Variants in INPP5F observed in about 807,000 individuals in gnomAD.
INPP5F encodes inositol polyphosphate-5-phosphatase F.
INPP5F carries 97 observed loss-of-function variants against 137.2 expected under a neutral mutation model. The ratio of observed to expected loss-of-function variants is 0.71; its 90% CI spans 0.60 to 0.84. The LOEUF (loss-of-function observed/expected upper bound fraction) is 0.84, where lower values mean the gene tolerates loss of function less well. Among genes scored for constraint, INPP5F ranks in the 40% least tolerant of loss-of-function variants. The pLI is 0.00. For missense variants in INPP5F, 1,271 were observed against 1,371.9 expected (o/e 0.93, Z 1.16); for synonymous variants, 504 against 476.9 (o/e 1.06, Z -0.74).
intron 13 of INPP5F, 69 bp downstream of exon 13, chr10:119,808,129 C>T: frequency 3.3e-6 from 5 of 1,522,684 alleles, no homozygotes; most frequent in Non-Finnish European, 4.4e-6. Flanking sequence ...TTTAAAACCA[C>T]AGAAATGTGT....
intron 3 of INPP5F, among the ~76,000 whole-genome samples, chr10:119,782,626 G>A (rs1849746087): frequency 6.6e-6 from 1 of 152,054 alleles, no homozygotes. Context: ...GACCAGCCTG[G>A]GCAACATAGC....
intron 9 of INPP5F, among the ~76,000 whole-genome samples, chr10:119,802,813 T>C (rs184620216): frequency 1.5e-4 from 23 of 152,304 alleles, no homozygotes; most frequent in African/African-American, 5.5e-4. Context: ...TTAAAAAAAA[T>C]TGTTTTAAAG....
At chr10:119,819,490 CAT>C in intron 15 of INPP5F, 1 of 1,602,960 alleles carries the variant, frequency 6.2e-7, no homozygotes, top group South Asian at 1.1e-5. Context: ...TAAAATGTGT[CAT>C]GACGTAATTT....
intron 2 of INPP5F, among the ~76,000 whole-genome samples, chr10:119,764,869 C>T (rs955875000): frequency 9.3e-5 from 14 of 150,114 alleles, no homozygotes; most frequent in African/African-American, 2.7e-4. Context: ...TGAGCCACCA[C>T]GCCTGGCCCC....
In INPP5F at chr10:119,726,161, A is replaced by G. The variant is rs1193502705; in HGVS notation, c.-102A>G. 3.1e-6 allele frequency: 2 copies of G among 655,412 alleles called. No individual in the cohort carries two copies. Among genetic ancestry groups the G allele is most frequent in the African/African-American group, 3.9e-5 (2 of 51,340 alleles). 40.6% of individuals were successfully genotyped at this position (655,412 alleles called of 1,614,324 possible). A position where few individuals can be genotyped will look rare whatever the true frequency, so the allele number is the denominator to read the frequency against. The stretch of plus-strand genomic sequence containing the variant: ...GCCGCTGCTTCTCGGCGCGGTTCCT[A>G]CCCGGCCGCTCCCCGAGGCGCGGGC... On this transcript the variant is annotated 5_prime_UTR_variant, in exon 1 of 20. Transcript: ENST00000650623.
intron 15 of INPP5F, among the ~76,000 whole-genome samples, chr10:119,817,859 T>C (rs2134279792): frequency 6.6e-6 from 1 of 152,374 alleles, no homozygotes; most frequent in Middle Eastern, 3.4e-3. Flanking sequence ...ATTGCACCAA[T>C]TGTCTTGTTG....
intron 1 of INPP5F, among the ~76,000 whole-genome samples, chr10:119,732,256 T>C (rs1848094891): frequency 6.6e-6 from 1 of 151,908 alleles, no homozygotes; most frequent in Admixed American, 6.6e-5. Context: ...ACGCTGGTCT[T>C]GAACTTCTGA....
chr10:119,771,848 A>G (rs1397197309), intron 2 of INPP5F, among the ~76,000 whole-genome samples: 5 of 4,768 alleles, frequency 1.0e-3, no homozygotes, highest in Admixed American at 3.9e-3. Context: ...GTATGGAGAT[A>G]TATATATATA....
At chr10:119,756,600 C>T (rs1206781951) in intron 2 of INPP5F, among the ~76,000 whole-genome samples, 1 of 152,118 alleles carries the variant, frequency 6.6e-6, no homozygotes, top group African/African-American at 2.4e-5. Flanking sequence ...CGCACCACTG[C>T]ACTCCAGCCT....
intron 1 of INPP5F, among the ~76,000 whole-genome samples, chr10:119,730,935 G>A (rs574475462): frequency 6.5e-4 from 99 of 151,954 alleles, no homozygotes; most frequent in Non-Finnish European, 1.3e-3. Context: ...CTACAGGCAC[G>A]CGCCACCACG....
At chr10:119,825,425 GGT>G (rs1455150489) in intron 19 of INPP5F, among the ~76,000 whole-genome samples, 2 of 152,094 alleles carry the variant, frequency 1.3e-5, no homozygotes, top group African/African-American at 4.8e-5. Context: ...TATCCCTCTA[GGT>G]GTGTTTAAAA....
At chr10:119,766,593 G>A (rs1473505171) in intron 2 of INPP5F, among the ~76,000 whole-genome samples, 1 of 151,922 alleles carries the variant, frequency 6.6e-6, no homozygotes, top group Non-Finnish European at 1.5e-5. Context: ...GAAAAGTAAA[G>A]ACAAAGAGGA....
intron 19 of INPP5F, among the ~76,000 whole-genome samples, chr10:119,825,391 A>G (rs1281272364): frequency 6.6e-6 from 1 of 152,188 alleles, no homozygotes; most frequent in Non-Finnish European, 1.5e-5. Context: ...CTTGAGTGAT[A>G]TGGCATTTAA....
chr10:119,800,953 A>C (rs969804505), intron 9 of INPP5F, among the ~76,000 whole-genome samples: 1 of 151,686 alleles, frequency 6.6e-6, no homozygotes, highest in African/African-American at 2.4e-5. Flanking sequence ...GTCTCAAAAA[A>C]AAAAAAAAAA....
chr10:119,730,792 CT>C (rs35073468), intron 1 of INPP5F, among the ~76,000 whole-genome samples: 138,515 of 145,078 alleles, frequency 0.95, 66,319 homozygotes, highest in Non-Finnish European at 0.99. Context: ...TCCCAGTGAA[CT>C]TTTTTTTTTT....
At chr10:119,788,867 T>C (rs1296872944) in intron 3 of INPP5F, among the ~76,000 whole-genome samples, 2 of 152,234 alleles carry the variant, frequency 1.3e-5, no homozygotes, top group Admixed American at 1.3e-4. Flanking sequence ...GCACATTTAC[T>C]TGAAATAGCG....
intron 2 of INPP5F, among the ~76,000 whole-genome samples, chr10:119,773,188 C>T (rs1328400239): frequency 6.6e-6 from 1 of 152,110 alleles, no homozygotes; most frequent in African/African-American, 2.4e-5. Context: ...TCCTGAGTAG[C>T]TGGGACTACA....
At chr10:119,739,553 T>C (rs1848313782) in intron 1 of INPP5F, among the ~76,000 whole-genome samples, 1 of 152,212 alleles carries the variant, frequency 6.6e-6, no homozygotes, top group Admixed American at 6.5e-5. Flanking sequence ...ACTGCAGGTA[T>C]GTAGTGGTAA....
Position 119,806,481 on chromosome 10 carries a change from G to T in INPP5F, c.1440+1G>T. ...CGCGAGAGTGGTCATGGAACAGCAG[G>T]TAATTTGGAGTCTGTTGGATTGCAA... On this transcript the variant is annotated splice_donor_variant, in intron 12 of 19. Coordinates refer to ENST00000650623, the MANE Select transcript of INPP5F (RefSeq NM_014937.4). LOFTEE classifies it high-confidence loss of function. 6.3e-7 allele frequency: 1 copy of T among 1,589,190 alleles called. No individual in the cohort carries two copies. The highest frequency in any genetic ancestry group is 8.5e-7 in the Non-Finnish European group (1 of 1,170,894).
Sources: allele counts gnomAD v4.1 joint callset (sites outside exome capture counted in the v4.1 genomes callset), GRCh38; gene constraint gnomAD v4.1.1; transcripts MANE v1.5; gene names NCBI Gene and HGNC (gene_info 2026-07-23, HGNC 2026-07-21).